EHBP1: variants seen among roughly 807,000 people sequenced by gnomAD.
The protein encoded by EHBP1 is EH domain binding protein 1, also known as EH domain-binding protein 1.
In EHBP1, 55 loss-of-function variants were observed where a neutral mutation model predicts 144.0. The ratio of observed to expected loss-of-function variants is 0.38; its 90% CI spans 0.31 to 0.48. The LOEUF (loss-of-function observed/expected upper bound fraction) is 0.48, where lower values mean the gene tolerates loss of function less well. EHBP1 is among the 20% of genes least tolerant of loss of function. The probability of loss-of-function intolerance (pLI) is 0.98; values close to 1 mark genes in which losing one functional copy is unlikely to be tolerated. For missense variants in EHBP1, 1,200 were observed against 1,364.2 expected, an observed-to-expected ratio of 0.88 and a Z score of 1.90; for synonymous variants, 469 against 472.7, an observed-to-expected ratio of 0.99 and a Z score of 0.10.
chr2:62,779,766 A>G (rs2042300271), intron 5 of EHBP1, among the ~76,000 whole-genome samples: 1 of 152,214 alleles, frequency 6.6e-6, no homozygotes, highest in Admixed American at 6.5e-5. Flanking sequence ...ATTTGGATAA[A>G]TCTAATCAAG....
intron 10 of EHBP1, among the ~76,000 whole-genome samples, chr2:62,878,848 T>C (rs1480280751): frequency 6.6e-6 from 1 of 151,758 alleles, no homozygotes; most frequent in African/African-American, 2.4e-5. Context: ...AATTTCACCG[T>C]CTCTACTAAA....
chr2:63,032,764 C>T (rs2061312800), intron 19 of EHBP1, among the ~76,000 whole-genome samples: 1 of 151,952 alleles, frequency 6.6e-6, no homozygotes, highest in Non-Finnish European at 1.5e-5. Flanking sequence ...TGTTAGAAGT[C>T]GTGTGTAGAA....
At chr2:62,749,201 G>C (rs564418210) in intron 3 of EHBP1, among the ~76,000 whole-genome samples, 37 of 151,114 alleles carry the variant, frequency 2.4e-4, no homozygotes, top group African/African-American at 7.5e-4. Flanking sequence ...TGTTCTCATT[G>C]TTCAATTCCC....
intron 19 of EHBP1, among the ~76,000 whole-genome samples, chr2:63,031,672 T>C (rs2061253384): frequency 6.6e-6 from 1 of 152,224 alleles, no homozygotes; most frequent in African/African-American, 2.4e-5. Flanking sequence ...CTCACACCTG[T>C]AATCCCAGCA....
At chr2:62,969,457 A>T (rs1441280103) in intron 14 of EHBP1, among the ~76,000 whole-genome samples, 2 of 152,200 alleles carry the variant, frequency 1.3e-5, no homozygotes, top group East Asian at 3.8e-4. Context: ...TAAAAACTAG[A>T]GTATGATATA....
At chr2:62,848,622 A>G (rs571750714) in intron 7 of EHBP1, among the ~76,000 whole-genome samples, 4 of 152,392 alleles carry the variant, frequency 2.6e-5, no homozygotes, top group Admixed American at 2.0e-4. Context: ...GATATGCCCT[A>G]CAACATAGAT....
At chr2:62,800,253 C>G (rs1284854941) in intron 5 of EHBP1, among the ~76,000 whole-genome samples, 1 of 152,172 alleles carries the variant, frequency 6.6e-6, no homozygotes, top group Admixed American at 6.5e-5. Flanking sequence ...AAAATCTCAT[C>G]TACCTCATGA....
intron 5 of EHBP1, among the ~76,000 whole-genome samples, chr2:62,812,683 G>T (rs2045112112): frequency 6.6e-6 from 1 of 152,178 alleles, no homozygotes; most frequent in Non-Finnish European, 1.5e-5. Flanking sequence ...ATGTCCAAGG[G>T]CTTTATGGAA....
chr2:63,016,263 A>T (rs1487391712), intron 19 of EHBP1, among the ~76,000 whole-genome samples: 1 of 152,124 alleles, frequency 6.6e-6, no homozygotes, highest in Non-Finnish European at 1.5e-5. Flanking sequence ...ATATGGTGTT[A>T]TAGTTCTGTT....
intron 2 of EHBP1, among the ~76,000 whole-genome samples, chr2:62,742,337 G>T (rs1007578683): frequency 6.6e-6 from 1 of 151,968 alleles, no homozygotes; most frequent in Non-Finnish European, 1.5e-5. Context: ...TATCTGTTGG[G>T]GCTCCTGGAA....
intron 1 of EHBP1, among the ~76,000 whole-genome samples, chr2:62,684,725 C>T (rs530579657): frequency 1.3e-5 from 2 of 152,204 alleles, no homozygotes; most frequent in Admixed American, 6.5e-5. Flanking sequence ...AATTATGTTC[C>T]TATCTTCCAG....
intron 1 of EHBP1, among the ~76,000 whole-genome samples, chr2:62,691,656 T>C (rs2033909978): frequency 6.6e-6 from 1 of 152,206 alleles, no homozygotes; most frequent in Admixed American, 6.5e-5. Flanking sequence ...ATCCACTACC[T>C]TAATTTTACT....
intron 3 of EHBP1, among the ~76,000 whole-genome samples, chr2:62,755,033 C>G (rs928668895): frequency 6.6e-6 from 1 of 152,194 alleles, no homozygotes; most frequent in Non-Finnish European, 1.5e-5. Flanking sequence ...AAGATGAACC[C>G]GGTACCTCAG....
At chr2:62,753,218 A>G (rs997621183) in intron 3 of EHBP1, among the ~76,000 whole-genome samples, 1 of 152,114 alleles carries the variant, frequency 6.6e-6, no homozygotes, top group African/African-American at 2.4e-5. Flanking sequence ...ATCTCTCAGC[A>G]TTTGCTTGTC....
At chr2:62,978,363 G>A (rs879324187) in intron 14 of EHBP1, among the ~76,000 whole-genome samples, 1 of 151,946 alleles carries the variant, frequency 6.6e-6, no homozygotes, top group African/African-American at 2.4e-5. Context: ...ACCATGCCCA[G>A]CTAATTCTTT....
upstream of EHBP1, among the ~76,000 whole-genome samples, chr2:62,704,731 T>C (rs980623469): frequency 6.6e-6 from 1 of 152,222 alleles, no homozygotes; most frequent in African/African-American, 2.4e-5. Flanking sequence ...ACCAGGGGTC[T>C]GTGAACCACC....
chr2:63,030,649 A>C (rs1427025228), intron 19 of EHBP1, among the ~76,000 whole-genome samples: 1 of 150,810 alleles, frequency 6.6e-6, no homozygotes, highest in African/African-American at 2.4e-5. Flanking sequence ...CACCACACCC[A>C]GCTAATTTTT....
At chr2:62,840,604 A>G (rs1354396997) in intron 7 of EHBP1, among the ~76,000 whole-genome samples, 5 of 151,976 alleles carry the variant, frequency 3.3e-5, no homozygotes, top group Non-Finnish European at 5.9e-5. Context: ...ACAAAGGGCT[A>G]ATATCCAGAA....
chr2:63,024,601 CA>C (rs35534053), intron 19 of EHBP1, among the ~76,000 whole-genome samples: 47,173 of 107,306 alleles, frequency 0.44, 8,322 homozygotes, highest in East Asian at 0.53. Context: ...GACCCTGTCT[CA>C]AAAAAAAAAA....
Sources: allele counts gnomAD v4.1 joint callset (sites outside exome capture counted in the v4.1 genomes callset), GRCh38; gene constraint gnomAD v4.1.1; transcripts MANE v1.5; gene names NCBI Gene and HGNC (gene_info 2026-07-23, HGNC 2026-07-21).